MAP3K7CL: variants seen among roughly 807,000 people sequenced by gnomAD.
MAP3K7CL encodes the protein MAP3K7 C-terminal like.
In MAP3K7CL, 16 loss-of-function variants were observed where a neutral mutation model predicts 18.6. The observed-to-expected ratio is 0.86, with a 90% CI of 0.58 to 1.31. The LOEUF (loss-of-function observed/expected upper bound fraction) is 1.31. Ranked by LOEUF, MAP3K7CL falls within the 50% of genes most tolerant of loss-of-function variation. The pLI, the probability that MAP3K7CL is intolerant of heterozygous loss-of-function variation, is 0.00. For missense variants in MAP3K7CL, 163 were observed against 174.4 expected, an observed-to-expected ratio of 0.93 and a Z score of 0.37; for synonymous variants, 65 against 66.8, an observed-to-expected ratio of 0.97 and a Z score of 0.13.
intron 4 of MAP3K7CL, among the ~76,000 whole-genome samples, chr21:29,110,736 A>C (rs2086404513): frequency 6.6e-6 from 1 of 152,092 alleles, no homozygotes; most frequent in Non-Finnish European, 1.5e-5. Context: ...GGTAGTTCCT[A>C]AACTTCATGT....
intron 1 of MAP3K7CL, chr21:29,091,399 C>T: frequency 3.4e-6 from 2 of 587,190 alleles, no homozygotes; most frequent in Non-Finnish European, 6.0e-6. Flanking sequence ...CTAGTTCCCT[C>T]CATCACAAAA....
intron 4 of MAP3K7CL, among the ~76,000 whole-genome samples, chr21:29,114,051 ATTAAT>A (rs975115539): frequency 6.6e-6 from 1 of 152,040 alleles, no homozygotes; most frequent in African/African-American, 2.4e-5. Context: ...TTTTATTCTA[ATTAAT>A]TAAATTAAAT....
chr21:29,157,869 C>T (rs749075915), intron 3 of MAP3K7CL, among the ~76,000 whole-genome samples: 28 of 152,224 alleles, frequency 1.8e-4, no homozygotes, highest in Non-Finnish European at 2.6e-4. Context: ...TAAATTACAG[C>T]AGCAAAAGAC....
chr21:29,139,895 C>CTTTT (rs5843369), intron 2 of MAP3K7CL, among the ~76,000 whole-genome samples: 10 of 67,356 alleles, frequency 1.5e-4, no homozygotes, highest in African/African-American at 2.2e-4. Flanking sequence ...CCATCTCTGG[C>CTTTT]TTTTTTTTTT....
chr21:29,084,681 A>G (rs184361599), upstream of MAP3K7CL, among the ~76,000 whole-genome samples: 126 of 152,308 alleles, frequency 8.3e-4, 2 homozygotes, highest in African/African-American at 2.7e-3. Context: ...TTCTTACCAG[A>G]TATTCACTCC....
At chr21:29,127,681 C>T (rs2086703088), upstream of MAP3K7CL, 1 of 151,906 alleles carries the variant, frequency 6.6e-6, no homozygotes, top group Admixed American at 6.6e-5. Flanking sequence ...AAATCTTTTT[C>T]TTTGTAGCCC....
intron 1 of MAP3K7CL, among the ~76,000 whole-genome samples, chr21:29,088,391 A>G (rs2085963219): frequency 6.6e-6 from 1 of 152,196 alleles, no homozygotes; most frequent in African/African-American, 2.4e-5. Flanking sequence ...AAGTTTACAG[A>G]TTGCATTACA....
intron 3 of MAP3K7CL, 98 bp downstream of exon 3, chr21:29,149,348 AC>A: frequency 1.9e-6 from 2 of 1,043,996 alleles, no homozygotes; most frequent in Non-Finnish European, 3.0e-6. Flanking sequence ...ACTGACTTGG[AC>A]CCAGAATGTG....
intron 4 of MAP3K7CL, among the ~76,000 whole-genome samples, chr21:29,125,460 C>G (rs907496670): frequency 1.3e-5 from 2 of 152,062 alleles, no homozygotes; most frequent in South Asian, 2.1e-4. Context: ...TTTGGGGGCA[C>G]GAATGATATA....
chr21:29,136,428 A>G (rs2086887508), intron 2 of MAP3K7CL, among the ~76,000 whole-genome samples: 1 of 152,176 alleles, frequency 6.6e-6, no homozygotes, highest in South Asian at 2.1e-4. Context: ...GTAATTCTAC[A>G]TTGTTGGATT....
At chr21:29,171,490 T>C (rs949808118) in intron 4 of MAP3K7CL, among the ~76,000 whole-genome samples, 13 of 152,168 alleles carry the variant, frequency 8.5e-5, no homozygotes, top group Non-Finnish European at 1.6e-4. Context: ...TTTTGATAGT[T>C]TCAAACTTAG....
At chr21:29,106,309 G>A (rs1267897490) in intron 4 of MAP3K7CL, among the ~76,000 whole-genome samples, 1 of 151,902 alleles carries the variant, frequency 6.6e-6, no homozygotes, top group Admixed American at 6.6e-5. Flanking sequence ...TCAGCCTCCC[G>A]AGTAGCTGGG....
chr21:29,115,112 T>A (rs2086483640), intron 4 of MAP3K7CL, among the ~76,000 whole-genome samples: 1 of 152,222 alleles, frequency 6.6e-6, no homozygotes, highest in Non-Finnish European at 1.5e-5. Context: ...TCCTTTGATG[T>A]GTCCCGCCTC....
rs1282826320 is a variant in MAP3K7CL at position 29,091,500 on chromosome 21, G to A, written c.58-1G>A. On this transcript the variant is annotated splice_acceptor_variant, in intron 1 of 6. Transcript: ENST00000286791. LOFTEE classifies it high-confidence loss of function. ...TTTTCTTTTTTATTTTTTCAATACA[G>A]CCCCTTGCTCTGTCACGCAGGCTGG... The A allele has an allele frequency of 5.8e-6, 4 of 688,826 alleles. No individual in the cohort carries two copies. The highest frequency in any genetic ancestry group is 1.8e-5 in the African/African-American group (1 of 55,952). The allele number at this position is 688,826 out of a possible 1,614,324, so 42.7% of individuals were successfully genotyped here. A position where few individuals can be genotyped will look rare whatever the true frequency, so the allele number is the denominator to read the frequency against.
chr21:29,144,776 T>G (rs886375644), intron 2 of MAP3K7CL, among the ~76,000 whole-genome samples: 3 of 152,224 alleles, frequency 2.0e-5, no homozygotes, highest in Admixed American at 1.3e-4. Flanking sequence ...ACAGACCCAA[T>G]GTGTCCTATT....
intron 4 of MAP3K7CL, among the ~76,000 whole-genome samples, chr21:29,110,323 G>C (rs1197021792): frequency 6.6e-6 from 1 of 151,846 alleles, no homozygotes; most frequent in African/African-American, 2.4e-5. Flanking sequence ...TCACTTTCTG[G>C]AATTTCTATA....
At chr21:29,160,665 A>G (rs2832226) in intron 4 of MAP3K7CL, among the ~76,000 whole-genome samples, 71,770 of 152,078 alleles carry the variant, frequency 0.47, 18,670 homozygotes, top group African/African-American at 0.7. Context: ...ATTCTTTTAT[A>G]CTTGCAAAGC....
chr21:29,141,958 A>C (rs982049957), intron 2 of MAP3K7CL, among the ~76,000 whole-genome samples: 24 of 152,282 alleles, frequency 1.6e-4, no homozygotes, highest in Middle Eastern at 3.4e-3. Flanking sequence ...TATTCCTAAA[A>C]ATAAAATATT....
chr21:29,153,661 T>C (rs1220893555), intron 3 of MAP3K7CL, among the ~76,000 whole-genome samples: 20 of 152,068 alleles, frequency 1.3e-4, no homozygotes, highest in Admixed American at 1.3e-3. Context: ...GTTGCCCAGA[T>C]TGGTCTCAAA....
Sources: allele counts gnomAD v4.1 joint callset (sites outside exome capture counted in the v4.1 genomes callset), GRCh38; gene constraint gnomAD v4.1.1; transcripts MANE v1.5; gene names NCBI Gene and HGNC (gene_info 2026-07-23, HGNC 2026-07-21).